Variants in DHX57 observed in about 807,000 individuals in gnomAD.
The protein encoded by DHX57 is DExH-box helicase 57.
DHX57 carries 105 observed loss-of-function variants against 156.2 expected under a neutral mutation model. That is an observed-to-expected ratio of 0.67 (90% CI 0.57 to 0.79). The LOEUF (loss-of-function observed/expected upper bound fraction) is 0.79. Among genes scored for constraint, DHX57 ranks in the 30% least tolerant of loss-of-function variants. The pLI is 0.00. For missense variants in DHX57, 1,847 were observed against 1,661.9 expected, an observed-to-expected ratio of 1.11 and a Z score of -1.94; for synonymous variants, 704 against 595.6, an observed-to-expected ratio of 1.18 and a Z score of -2.65.
chr2:38,866,548 G>T (rs901579382), intron 2 of DHX57, among the ~76,000 whole-genome samples: 1 of 152,036 alleles, frequency 6.6e-6, no homozygotes, highest in Non-Finnish European at 1.5e-5. Flanking sequence ...GCGGCACCTG[G>T]TAATGTTATA....
rs149775607 is a variant in DHX57, at chr2:38,835,762, A to G, written c.2542+2069T>C. Among the ~76,000 whole-genome samples the G allele has an allele frequency of 3.0e-3, 451 of 152,338 alleles. 2 individuals are homozygous for G. Among genetic ancestry groups the G allele is most frequent in the African/African-American group, 0.01 (436 of 41,590 alleles). On this transcript the variant is annotated intron_variant, in intron 13 of 23. Transcript: ENST00000457308. ...TTGTTATTGAAAAAGTGCGAAAGCC[A>G]TCAAGCCTAAAACGATAAACTGATG...
At chr2:38,835,678 T>G (rs1391558310) in intron 13 of DHX57, among the ~76,000 whole-genome samples, 1 of 152,176 alleles carries the variant, frequency 6.6e-6, no homozygotes, top group Non-Finnish European at 1.5e-5. Flanking sequence ...CGAAAGAGAA[T>G]TCTGATAGAG....
chr2:38,842,516 G>A (rs1173190355), intron 12 of DHX57, among the ~76,000 whole-genome samples: 1 of 151,912 alleles, frequency 6.6e-6, no homozygotes, highest in Non-Finnish European at 1.5e-5. Flanking sequence ...ACACACTAAA[G>A]TATTAAGGGT....
intron 15 of DHX57, 86 bp downstream of exon 15, chr2:38,826,430 G>GAT: frequency 6.9e-7 from 1 of 1,449,390 alleles, no homozygotes; most frequent in Non-Finnish European, 9.5e-7. Flanking sequence ...AATCCGTGTA[G>GAT]CTTAATAGCA....
chr2:38,808,407 T>A (rs1572621111), intron 21 of DHX57, among the ~76,000 whole-genome samples: 1 of 152,202 alleles, frequency 6.6e-6, no homozygotes, highest in East Asian at 1.9e-4. Context: ...AATCTTTTTT[T>A]ATAGCCTACT....
intron 5 of DHX57, among the ~76,000 whole-genome samples, chr2:38,860,391 G>A (rs899952897): frequency 1.3e-5 from 2 of 152,194 alleles, no homozygotes; most frequent in Non-Finnish European, 2.9e-5. Flanking sequence ...AGAGGTTGCA[G>A]TGAGCTGAGA....
At chr2:38,827,717 AG>A (rs1252116654) in intron 14 of DHX57, among the ~76,000 whole-genome samples, 2 of 151,678 alleles carry the variant, frequency 1.3e-5, no homozygotes, top group Non-Finnish European at 2.9e-5. Flanking sequence ...CTCCTGGAAT[AG>A]GAACTATTGA....
At chr2:38,838,053 G>C in intron 12 of DHX57, 106 bp from the exon 13 acceptor site, 1 of 732,138 alleles carries the variant, frequency 1.4e-6, no homozygotes, top group Non-Finnish European at 2.4e-6. Flanking sequence ...GGTGAGTGTT[G>C]GTTTAATAGC....
At chr2:38,873,874 T>G (rs1490356973) in intron 1 of DHX57, among the ~76,000 whole-genome samples, 2 of 152,118 alleles carry the variant, frequency 1.3e-5, no homozygotes, top group Admixed American at 1.3e-4. Flanking sequence ...GGGTAAGGCC[T>G]CTTTGAGATT....
At chr2:38,836,087 A>G (rs1671640155) in intron 13 of DHX57, among the ~76,000 whole-genome samples, 1 of 152,208 alleles carries the variant, frequency 6.6e-6, no homozygotes, top group Admixed American at 6.5e-5. Context: ...TGGCAGAAAG[A>G]CTCAAGACTG....
intron 22 of DHX57, among the ~76,000 whole-genome samples, chr2:38,804,529 CAAT>C (rs1224770187): frequency 6.6e-6 from 1 of 151,960 alleles, no homozygotes; most frequent in Non-Finnish European, 1.5e-5. Context: ...AAAACAAAAA[CAAT>C]AAGTCCAATT....
chr2:38,869,230 G>A (rs947657231), intron 1 of DHX57, among the ~76,000 whole-genome samples: 5 of 152,206 alleles, frequency 3.3e-5, no homozygotes, highest in African/African-American at 7.2e-5. Flanking sequence ...AAGGGCAAAA[G>A]GGAAGTAGGC....
chr2:38,874,992 G>A (rs1330864531), intron 1 of DHX57, among the ~76,000 whole-genome samples: 4 of 152,144 alleles, frequency 2.6e-5, no homozygotes, highest in Non-Finnish European at 5.9e-5. Flanking sequence ...TGTGTACTGA[G>A]AAACATTAGG....
At chr2:38,816,858 T>C (rs1258946856) in intron 19 of DHX57, among the ~76,000 whole-genome samples, 2 of 152,190 alleles carry the variant, frequency 1.3e-5, no homozygotes, top group Non-Finnish European at 2.9e-5. Context: ...ATGCAACTCT[T>C]GTTTGATGGA....
At chr2:38,863,226 T>C in intron 3 of DHX57, 135 bp downstream of exon 3, 14 of 906,206 alleles carry the variant, frequency 1.5e-5, no homozygotes, top group Non-Finnish European at 2.2e-5. Flanking sequence ...CTTGTATTAC[T>C]CTTGGCTCAC....
At chr2:38,822,922 T>C (rs113487628) in intron 17 of DHX57, 71 bp downstream of exon 17, 1 of 1,449,500 alleles carries the variant, frequency 6.9e-7, no homozygotes, top group African/African-American at 1.5e-5. Flanking sequence ...GCCCTTGATT[T>C]CCCCCATGGT....
Position 38,808,194 on chromosome 2 carries a change from C to T in DHX57, c.3682-1501G>A, listed in dbSNP as rs551627198. ...GGTCTCGATCTCTTGACCTTGTGAT[C>T]TACCCACCTCAGCCTCCCAAAGTGC... On this transcript the variant is annotated intron_variant, in intron 21 of 23. Coordinates refer to ENST00000457308, the MANE Select transcript of DHX57 (RefSeq NM_198963.3). Among the ~76,000 whole-genome samples the T allele has an allele frequency of 5.3e-5, 8 of 151,700 alleles. No individual in the cohort carries two copies. In the South Asian group the frequency reaches 1.2e-3, roughly 24 times the overall value.
intron 2 of DHX57, among the ~76,000 whole-genome samples, chr2:38,866,003 G>A (rs6738403): frequency 0.55 from 84,056 of 151,914 alleles, 24,887 homozygotes; most frequent in East Asian, 0.81. Flanking sequence ...GAGGGAAGAA[G>A]AGGGAGGAAG....
intron 7 of DHX57, 48 bp downstream of exon 7, chr2:38,856,292 T>C (rs753940493): frequency 2.5e-6 from 4 of 1,580,190 alleles, no homozygotes; most frequent in Non-Finnish European, 2.6e-6. Flanking sequence ...CCAGGGTGCA[T>C]ATAATATTTA....
Sources: gnomAD v4.1 joint callset for allele counts (sites outside exome capture counted in the v4.1 genomes callset) on GRCh38, gnomAD v4.1.1 for gene constraint, MANE v1.5 for transcripts, NCBI Gene and HGNC (gene_info 2026-07-23, HGNC 2026-07-21) for gene names.